Variants in TRIM44 observed in about 807,000 individuals in gnomAD.
TRIM44 encodes tripartite motif-containing protein 44.
In TRIM44, 13 loss-of-function variants were observed where a neutral mutation model predicts 37.4. The ratio of observed to expected loss-of-function variants is 0.35; its 90% CI spans 0.23 to 0.55. The LOEUF (loss-of-function observed/expected upper bound fraction) is 0.55, where lower values mean the gene tolerates loss of function less well. Among genes scored for constraint, TRIM44 ranks in the 20% least tolerant of loss-of-function variants. The probability of loss-of-function intolerance (pLI) is 0.89; values close to 1 mark genes in which losing one functional copy is unlikely to be tolerated. For synonymous variants in TRIM44, 175 were observed against 157.2 expected, an observed-to-expected ratio of 1.11 and a Z score of -0.85; for missense variants, 426 against 437.2, an observed-to-expected ratio of 0.97 and a Z score of 0.23.
Position 35,665,586 on chromosome 11 carries a change from G to GTTTTTTTTTTTT in TRIM44, c.669+1821_669+1832dup, listed in dbSNP as rs35522287. Among the ~76,000 whole-genome samples, 2 of 71,518 alleles carry GTTTTTTTTTTTT rather than the reference G, an allele frequency of 2.8e-5. 1 individual carries two copies. 46.9% of individuals were successfully genotyped at this position (71,518 alleles called of 152,430 possible). A position where few individuals can be genotyped will look rare whatever the true frequency, so the allele number is the denominator to read the frequency against. On this transcript the variant is annotated intron_variant, in intron 1 of 4. Transcript: ENST00000299413. ...TCATTATATGAGTTTTTATATATCT[G>GTTTTTTTTTTTT]TTTTTTTTTTTTTTTTTTTTTTTTT...
intron 2 of TRIM44, among the ~76,000 whole-genome samples, chr11:35,708,695 G>T (rs996289093): frequency 6.6e-6 from 1 of 151,774 alleles, no homozygotes; most frequent in African/African-American, 2.4e-5. Flanking sequence ...CTCACTCACA[G>T]GTGGGAATTG....
At chr11:35,703,898 A>G (rs1851835096) in intron 2 of TRIM44, among the ~76,000 whole-genome samples, 2 of 152,354 alleles carry the variant, frequency 1.3e-5, no homozygotes, top group East Asian at 1.9e-4. Context: ...CAACGGAACA[A>G]AGCTGGATGG....
chr11:35,685,258 G>C lies in TRIM44; in HGVS notation c.670-1G>C, dbSNP rs1338531376. On this transcript the variant is annotated splice_acceptor_variant, in intron 1 of 4. Coordinates refer to ENST00000299413, the MANE Select transcript of TRIM44 (RefSeq NM_017583.6). LOFTEE classifies it high-confidence loss of function. ...TGACCCCTCACTTTTCTTTCTTCTA[G>C]AGCAAAGACTCAGGTGGACTGAAGG... 1 of 1,613,990 alleles carries C rather than the reference G, an allele frequency of 6.2e-7. No individual in the cohort carries two copies. The highest frequency in any genetic ancestry group is 8.5e-7 in the Non-Finnish European group (1 of 1,179,948).
chr11:35,700,571 C>G (rs1484776324), intron 2 of TRIM44, among the ~76,000 whole-genome samples: 2 of 152,144 alleles, frequency 1.3e-5, no homozygotes, highest in Admixed American at 6.5e-5. Flanking sequence ...TTTCATGAAT[C>G]CTTTCACAAC....
chr11:35,773,767 C>T (rs1481163425), intron 4 of TRIM44, among the ~76,000 whole-genome samples: 1 of 152,134 alleles, frequency 6.6e-6, no homozygotes, highest in Non-Finnish European at 1.5e-5. Context: ...TGATGGTTTC[C>T]AGCTTCATCC....
At chr11:35,732,043 T>TA (rs1448299662) in intron 3 of TRIM44, among the ~76,000 whole-genome samples, 4 of 152,224 alleles carry the variant, frequency 2.6e-5, no homozygotes, top group Non-Finnish European at 4.4e-5. Context: ...TCTTATAACT[T>TA]ACTGTTTCTA....
intron 4 of TRIM44, among the ~76,000 whole-genome samples, chr11:35,761,387 T>C (rs1029201182): frequency 1.8e-4 from 11 of 62,716 alleles, no homozygotes; most frequent in Admixed American, 4.5e-4. Context: ...TTGTATTGTT[T>C]GCTCTCTCTC....
chr11:35,763,004 A>G (rs1163247390), intron 4 of TRIM44, among the ~76,000 whole-genome samples: 1 of 152,184 alleles, frequency 6.6e-6, no homozygotes, highest in Non-Finnish European at 1.5e-5. Flanking sequence ...AGTATGTGGA[A>G]TACACAGATG....
In TRIM44 at chr11:35,701,831, G is replaced by A. The variant is rs182569338; in HGVS notation, c.747+16495G>A. On this transcript the variant is annotated intron_variant, in intron 2 of 4. Coordinates refer to ENST00000299413, the MANE Select transcript of TRIM44 (RefSeq NM_017583.6). ...AGAGGAGATAAACAGTGACTTTTAC[G>A]ATTCATTTAACCAGTTTGCACAGAG... Among the ~76,000 whole-genome samples the A allele has an allele frequency of 1.2e-3, 177 of 152,174 alleles. 2 individuals carry two copies. The highest frequency in any genetic ancestry group is 4.1e-3 in the Admixed American group (63 of 15,280).
chr11:35,769,717 A>G (rs1423601131), intron 4 of TRIM44, among the ~76,000 whole-genome samples: 2 of 152,188 alleles, frequency 1.3e-5, no homozygotes, highest in African/African-American at 4.8e-5. Context: ...ATAACTGCCA[A>G]ATACCTGGTA....
chr11:35,733,160 C>G (rs1168140305), intron 3 of TRIM44, among the ~76,000 whole-genome samples: 1 of 152,048 alleles, frequency 6.6e-6, no homozygotes, highest in Non-Finnish European at 1.5e-5. Context: ...TCTTTATGTG[C>G]AGATGGAGAA....
chr11:35,706,252 A>G (rs180861133), intron 2 of TRIM44, among the ~76,000 whole-genome samples: 1 of 149,884 alleles, frequency 6.7e-6, no homozygotes, highest in East Asian at 2.0e-4. Flanking sequence ...ACAGGCTCTG[A>G]AATTGTGGCA....
intron 4 of TRIM44, among the ~76,000 whole-genome samples, chr11:35,778,577 C>A (rs1469614789): frequency 6.6e-6 from 1 of 152,168 alleles, no homozygotes; most frequent in Non-Finnish European, 1.5e-5. Flanking sequence ...GCTCTGGTTT[C>A]TCCCCATCTT....
At chr11:35,773,076 T>C (rs1225847119) in intron 4 of TRIM44, among the ~76,000 whole-genome samples, 1 of 152,200 alleles carries the variant, frequency 6.6e-6, no homozygotes, top group African/African-American at 2.4e-5. Context: ...TCACAAGATC[T>C]GATGGTTTTA....
rs746896665 is a variant in TRIM44 at position 35,807,631 on chromosome 11, G to A, written c.*1246G>A. 9.2e-5 allele frequency: 14 copies of A among 152,100 alleles called. No individual in the cohort carries two copies. Among genetic ancestry groups the A allele is most frequent in the Non-Finnish European group, 2.1e-4 (14 of 68,014 alleles). The allele number at this position is 152,100 out of a possible 1,614,324, so 9.4% of individuals were successfully genotyped here. A position where few individuals can be genotyped will look rare whatever the true frequency, so the allele number is the denominator to read the frequency against. The stretch of plus-strand genomic sequence containing the variant: ...AAACCTGCATCTTCTTGAAGCATCA[G>A]TTTTACTTACCAAATGGTTTAGAGT... On this transcript the variant is annotated 3_prime_UTR_variant, in exon 5 of 5. Coordinates refer to ENST00000299413, the MANE Select transcript of TRIM44 (RefSeq NM_017583.6).
intron 4 of TRIM44, among the ~76,000 whole-genome samples, chr11:35,780,582 C>A (rs1208310255): frequency 6.6e-6 from 1 of 152,122 alleles, no homozygotes; most frequent in Non-Finnish European, 1.5e-5. Flanking sequence ...TAACACTGAT[C>A]CTCTGAGAAA....
chr11:35,684,824 A>G (rs1851555538), intron 1 of TRIM44, among the ~76,000 whole-genome samples: 2 of 152,228 alleles, frequency 1.3e-5, no homozygotes, highest in South Asian at 4.1e-4. Flanking sequence ...TCCATTCATA[A>G]TTAAATTTCA....
chr11:35,668,681 C>T (rs1322092006), intron 1 of TRIM44, among the ~76,000 whole-genome samples: 4 of 152,130 alleles, frequency 2.6e-5, no homozygotes, highest in Admixed American at 6.5e-5. Context: ...CATACACGTG[C>T]GTGTATCTGT....
intron 2 of TRIM44, among the ~76,000 whole-genome samples, chr11:35,691,492 T>A (rs1459750410): frequency 6.6e-6 from 1 of 152,222 alleles, no homozygotes; most frequent in Non-Finnish European, 1.5e-5. Context: ...AAAATGCATT[T>A]AGTACATCCA....
Sources: allele counts gnomAD v4.1 joint callset (sites outside exome capture counted in the v4.1 genomes callset), GRCh38; gene constraint gnomAD v4.1.1; transcripts MANE v1.5; gene names NCBI Gene and HGNC (gene_info 2026-07-23, HGNC 2026-07-21).